EVC2: variants seen among roughly 807,000 people sequenced by gnomAD.
EVC2 encodes EvC ciliary complex subunit 2, also known as limbin.
EVC2 carries 148 observed loss-of-function variants against 149.3 expected under a neutral mutation model. The ratio of observed to expected loss-of-function variants is 0.99; its 90% confidence interval spans 0.87 to 1.14. The LOEUF (loss-of-function observed/expected upper bound fraction) is 1.14. Ranked by LOEUF, EVC2 falls within the 50% of genes most tolerant of loss-of-function variation. EVC2 has a pLI of 0.00. For missense variants in EVC2, 1,854 were observed against 1,627.3 expected, an observed-to-expected ratio of 1.14 and a Z score of -2.40; for synonymous variants, 776 against 649.9, an observed-to-expected ratio of 1.19 and a Z score of -2.95.
At chr4:5,697,010 G>A (rs1221295695) in intron 2 of EVC2, among the ~76,000 whole-genome samples, 1 of 152,226 alleles carries the variant, frequency 6.6e-6, no homozygotes, top group Non-Finnish European at 1.5e-5. Flanking sequence ...TTGACAGACA[G>A]AAGAGAAGAA....
chr4:5,574,759 G>T lies in EVC2; in HGVS notation c.3286C>A (p.Gln1096Lys). ...TCTTCTAGCACGACACTGTTCTGTT[G>T]TTCCTCTCTCAAACTGGAGTGAAAA... ...EQHQQCLREEQQNSVVLEDLL... is the reference protein window; with the variant it reads ...EQHQQCLREEKQNSVVLEDLL... Residue 1096 changes from glutamine to lysine, a missense_variant, in exon 19 of 22, where the codon CAA becomes AAA. Transcript: ENST00000344408. 1.2e-6 allele frequency: 2 copies of T among 1,614,140 alleles called. No individual in the cohort carries two copies. The highest frequency in any genetic ancestry group is 1.7e-6 in the Non-Finnish European group (2 of 1,180,006).
downstream of EVC2, among the ~76,000 whole-genome samples, chr4:5,560,429 C>T (rs1721915763): frequency 6.6e-6 from 1 of 152,166 alleles, no homozygotes; most frequent in East Asian, 1.9e-4. The surrounding 1 kb of genome is among the most constrained non-coding windows in gnomAD (Gnocchi z 4.1). Flanking sequence ...GGAAGAACAG[C>T]ACCTTCTTCA....
chr4:5,597,001 C>T (rs935513069), intron 16 of EVC2, among the ~76,000 whole-genome samples: 9 of 152,160 alleles, frequency 5.9e-5, no homozygotes, highest in Non-Finnish European at 1.3e-4. Flanking sequence ...TTCACCCTCC[C>T]AAGACTAAAC....
intron 7 of EVC2, among the ~76,000 whole-genome samples, chr4:5,671,710 C>A (rs183851539): frequency 3.2e-4 from 48 of 152,264 alleles, no homozygotes; most frequent in Non-Finnish European, 6.3e-4. Flanking sequence ...CGGGGTTTCA[C>A]CATGTTGGCC....
chr4:5,643,673 C>T (rs777340640), intron 9 of EVC2, among the ~76,000 whole-genome samples: 9 of 152,184 alleles, frequency 5.9e-5, no homozygotes, highest in Non-Finnish European at 1.0e-4. Flanking sequence ...GTAATCCCAG[C>T]ACTTTGGGAG....
At chr4:5,596,293 T>C (rs1397032276) in intron 16 of EVC2, among the ~76,000 whole-genome samples, 3 of 152,240 alleles carry the variant, frequency 2.0e-5, no homozygotes, top group African/African-American at 4.8e-5. Context: ...ACCACACCTG[T>C]TCCAAAATTG....
intron 9 of EVC2, among the ~76,000 whole-genome samples, chr4:5,655,915 A>G (rs1382838274): frequency 6.6e-6 from 1 of 152,136 alleles, no homozygotes; most frequent in Non-Finnish European, 1.5e-5. Context: ...ATATCTCACA[A>G]CAGGTCATGA....
At chr4:5,537,551 G>A in the EVC2 span, among the ~76,000 whole-genome samples, 7 of 152,220 alleles carry the variant, frequency 4.6e-5, no homozygotes, top group South Asian at 1.2e-3. Flanking sequence ...AATTATAAAA[G>A]CTAAACTCAA....
chr4:5,693,189 G>A (rs374775933), intron 3 of EVC2, among the ~76,000 whole-genome samples: 6 of 152,312 alleles, frequency 3.9e-5, no homozygotes, highest in East Asian at 1.9e-4. Flanking sequence ...GTGAGGTGAC[G>A]AGTTACCTGT....
intron 12 of EVC2, among the ~76,000 whole-genome samples, chr4:5,626,331 G>GTTTTTT (rs34539817): frequency 1.6e-5 from 2 of 124,658 alleles, no homozygotes; most frequent in African/African-American, 2.9e-5. Context: ...CGTTCTTCTT[G>GTTTTTT]TTTTTTTTTT....
chr4:5,592,922 C>T (rs939519843), intron 16 of EVC2, among the ~76,000 whole-genome samples: 2 of 152,124 alleles, frequency 1.3e-5, no homozygotes, highest in South Asian at 2.1e-4. Flanking sequence ...CTCATAATCC[C>T]CACCTGTCAT....
At chr4:5,645,780 T>C (rs982601814) in intron 9 of EVC2, among the ~76,000 whole-genome samples, 6 of 152,246 alleles carry the variant, frequency 3.9e-5, no homozygotes, top group Admixed American at 3.3e-4. Context: ...ATATACTCAG[T>C]AATGGGATTG....
chr4:5,692,683 A>T (rs547901326), intron 3 of EVC2, among the ~76,000 whole-genome samples: 79 of 151,166 alleles, frequency 5.2e-4, no homozygotes, highest in African/African-American at 1.9e-3. Context: ...CTGGCTAACA[A>T]GGTGAAACCC....
chr4:5,565,441 C>A lies in EVC2; in HGVS notation c.3558-82G>T, dbSNP rs564027812. The A allele has an allele frequency of 5.2e-5, 68 of 1,306,834 alleles. 3 individuals are homozygous for A. The South Asian group carries it at 7.7e-4, about 15-fold the overall frequency. 81.0% of individuals were successfully genotyped at this position (1,306,834 alleles called of 1,614,324 possible). Reference sequence around the variant, plus strand: ...ATCCCAGCACTTTGGAAGGCAGAGGCGGGCAGATCACCTGAGGTCAGGAGT... The same window carrying A: ...ATCCCAGCACTTTGGAAGGCAGAGGAGGGCAGATCACCTGAGGTCAGGAGT... On this transcript the variant is annotated intron_variant, in intron 20 of 21. Coordinates refer to ENST00000344408, the MANE Select transcript of EVC2 (RefSeq NM_147127.5).
intron 21 of EVC2, among the ~76,000 whole-genome samples, chr4:5,554,664 G>A (rs1721799856): frequency 6.6e-6 from 1 of 152,198 alleles, no homozygotes; most frequent in Non-Finnish European, 1.5e-5. Context: ...AGGGAAGTGA[G>A]GAGAAGCTAA....
At position 5,685,527 on chromosome 4, in the gene EVC2, C is replaced by A. The variant is rs764147957; in HGVS notation, c.707-48G>T. ...GACTCAGGGAGGGCTTGGCCACGCC[C>A]CCGGCTGCACCCCACCACACCCCAG... On this transcript the variant is annotated intron_variant, in intron 5 of 21. Transcript: ENST00000344408. 4 of 1,512,140 alleles carry A rather than the reference C, an allele frequency of 2.6e-6. No individual in the cohort carries two copies. The African/African-American group carries it at 5.5e-5, about 21-fold the overall frequency. The allele number at this position is 1,512,140 out of a possible 1,614,324, so 93.7% of individuals were successfully genotyped here. A position where few individuals can be genotyped will look rare whatever the true frequency, so the allele number is the denominator to read the frequency against.
the EVC2 span, among the ~76,000 whole-genome samples, chr4:5,529,271 T>G: frequency 6.6e-6 from 1 of 152,156 alleles, no homozygotes; most frequent in Non-Finnish European, 1.5e-5. This position sits in a 1 kb window ranked among gnomAD's most constrained non-coding sequence, Gnocchi z 4.5. Flanking sequence ...CATGGGTCAA[T>G]TCAGCCTTTT....
At chr4:5,647,605 T>C (rs747052726) in intron 9 of EVC2, among the ~76,000 whole-genome samples, 4 of 152,218 alleles carry the variant, frequency 2.6e-5, no homozygotes, top group Non-Finnish European at 5.9e-5. Context: ...TCAAATGAAC[T>C]AAACAATCAA....
chr4:5,657,977 G>A lies in EVC2; in HGVS notation c.1145+5130C>T, dbSNP rs1039586479. ...TGCTGCCCACTCCAAAACGCTCATC[G>A]CCAGCTCTCAGCTTAACAAGCCTCC... On this transcript the variant is annotated intron_variant, in intron 9 of 21. Transcript: ENST00000344408. This position sits in a 1 kb window ranked among gnomAD's most constrained non-coding sequence, Gnocchi z 4.7. 3.3e-5 allele frequency among the ~76,000 whole-genome samples: 5 copies of A among 152,028 alleles called. No individual in the cohort carries two copies. The highest frequency in any genetic ancestry group is 3.9e-4 in the East Asian group (2 of 5,158).
Sources: gnomAD v4.1 joint callset for allele counts (sites outside exome capture counted in the v4.1 genomes callset) on GRCh38, gnomAD v4.1.1 for gene constraint, Gnocchi (gnomAD v3.1) non-coding constraint, MANE v1.5 for transcripts, NCBI Gene and HGNC (gene_info 2026-07-23, HGNC 2026-07-21) for gene names.